Variants in SET observed in about 807,000 individuals in gnomAD.
SET encodes SET nuclear proto-oncogene.
A neutral mutation model predicts 39.0 loss-of-function variants in SET; 4 were observed. That is an observed-to-expected ratio of 0.10 (90% CI 0.05 to 0.23). The LOEUF is 0.23. Among genes scored for constraint, SET ranks in the 10% least tolerant of loss-of-function variants. The probability of loss-of-function intolerance (pLI) is 1.00; values close to 1 mark genes in which losing one functional copy is unlikely to be tolerated. For missense variants in SET, 137 were observed against 329.7 expected, an observed-to-expected ratio of 0.42 and a Z score of 4.53; for synonymous variants, 114 against 115.9, an observed-to-expected ratio of 0.98 and a Z score of 0.11.
intron 3 of SET, 114 bp downstream of exon 3, chr9:128,692,114 T>C: frequency 1.6e-6 from 2 of 1,276,304 alleles, no homozygotes; most frequent in Non-Finnish European, 2.2e-6. Context: ...ACAGGCTGGG[T>C]GCGGTGGCGC....
At chr9:128,685,241 G>T, upstream of SET, 3 of 1,565,878 alleles carry the variant, frequency 1.9e-6, no homozygotes, top group South Asian at 2.3e-5. Context: ...ACTTGTGCTT[G>T]TTTTCTCTTC....
intron 7 of SET, 46 bp from the exon 8 acceptor site, chr9:128,694,595 G>A: frequency 7.0e-7 from 1 of 1,433,774 alleles, no homozygotes; most frequent in South Asian, 1.2e-5. Context: ...ATGAAAGCAA[G>A]TCTCAGCATT....
At chr9:128,690,124 C>A in intron 1 of SET, 1 of 243,046 alleles carries the variant, frequency 4.1e-6, no homozygotes, top group Non-Finnish European at 6.6e-6. Flanking sequence ...AGAGGCTGGC[C>A]CCGGCGGGGC....
chr9:128,688,016 G>C (rs1861348023), upstream of SET, among the ~76,000 whole-genome samples: 1 of 152,198 alleles, frequency 6.6e-6, no homozygotes, highest in South Asian at 2.1e-4. Flanking sequence ...CAGTAGACCA[G>C]CCTGGCCAAG....
Position 128,689,441 on chromosome 9 carries a change from G to A in SET, c.-142G>A, listed in dbSNP as rs1589454206. 1.6e-6 allele frequency: 1 copy of A among 622,662 alleles called. No homozygotes were observed. The highest frequency in any genetic ancestry group is 4.6e-5 in the East Asian group (1 of 21,702). 38.6% of individuals were successfully genotyped at this position (622,662 alleles called of 1,614,324 possible). On this transcript the variant is annotated 5_prime_UTR_variant, in exon 1 of 8. Coordinates refer to ENST00000322030, the MANE Select transcript of SET (RefSeq NM_003011.4). ...GCGCGCGCGAGCGAGCGAGGGGGAG[G>A]GAGAGCGAGCGAGCGCCGGGAGGAG...
At chr9:128,683,688 A>T in exon 1 of SET, 1 of 498,398 alleles carries the variant, frequency 2.0e-6, no homozygotes, top group Non-Finnish European at 3.6e-6. Context: ...GAGCAACTAA[A>T]AGAAATTTCT....
upstream of SET, among the ~76,000 whole-genome samples, chr9:128,687,188 T>C (rs1246862368): frequency 6.6e-6 from 1 of 151,738 alleles, no homozygotes; most frequent in Non-Finnish European, 1.5e-5. Context: ...TGAAACCCCG[T>C]CTCTACTAAA....
At chr9:128,689,710 CGGCCCGCAGGCCGCCGGCGG>C in intron 1 of SET, 55 bp downstream of exon 1, 1 of 448,574 alleles carries the variant, frequency 2.2e-6, no homozygotes, top group South Asian at 9.0e-5. Context: ...CCGCCCGCCC[CGGCCCGCAGGCCGCCGGCGG>C]GGCCCGGGGC....
upstream of SET, among the ~76,000 whole-genome samples, chr9:128,688,466 T>C (rs1169883224): frequency 2.0e-5 from 3 of 152,176 alleles, no homozygotes; most frequent in Admixed American, 6.5e-5. Flanking sequence ...AACCGTGCCA[T>C]GCGCTGCTGA....
chr9:128,686,045 C>CAG (rs368310141), upstream of SET, among the ~76,000 whole-genome samples: 943 of 151,668 alleles, frequency 6.2e-3, 9 homozygotes, highest in African/African-American at 0.022. Flanking sequence ...AAAAAACAAC[C>CAG]AGAGGGGCCA....
In SET at chr9:128,689,530, C is replaced by T; in HGVS notation, c.-53C>T. On this transcript the variant is annotated 5_prime_UTR_variant, in exon 1 of 8. Coordinates refer to ENST00000322030, the MANE Select transcript of SET (RefSeq NM_003011.4). ...GGGGAAGCCGCTTGCCCGCCCCCTT[C>T]GCCTTCCCTTCTCTCCCCCTCCCCG... The T allele has an allele frequency of 1.1e-6, 1 of 925,526 alleles. No individual in the cohort carries two copies. The highest frequency in any genetic ancestry group is 1.5e-6 in the Non-Finnish European group (1 of 677,330). 57.3% of individuals were successfully genotyped at this position (925,526 alleles called of 1,614,324 possible). A position where few individuals can be genotyped will look rare whatever the true frequency, so the allele number is the denominator to read the frequency against.
At chr9:128,691,417 C>G (rs1861531638) in intron 2 of SET, among the ~76,000 whole-genome samples, 190 bp downstream of exon 2, 1 of 152,174 alleles carries the variant, frequency 6.6e-6, no homozygotes, top group Non-Finnish European at 1.5e-5. Flanking sequence ...AGTGCATTGA[C>G]CTTACAAGGT....
At chr9:128,684,004 G>A (rs1427776028) in exon 1 of SET, 1 of 1,548,366 alleles carries the variant, frequency 6.5e-7, no homozygotes, top group Non-Finnish European at 8.7e-7. Context: ...GCCGAAGAAG[G>A]GAGGTACGTT....
At chr9:128,694,551 C>T in intron 7 of SET, 90 bp from the exon 8 acceptor site, 1 of 813,056 alleles carries the variant, frequency 1.2e-6, no homozygotes, top group Non-Finnish European at 2.0e-6. Context: ...CTGGAGTGCC[C>T]CCAGGGGCAC....
At chr9:128,688,817 A>C (rs530713304), upstream of SET, among the ~76,000 whole-genome samples, 1 of 152,250 alleles carries the variant, frequency 6.6e-6, no homozygotes, top group East Asian at 1.9e-4. Flanking sequence ...AGGCGCCGAG[A>C]GGCCGGGCGG....
chr9:128,693,534 T>A lies in SET; in HGVS notation c.493-104T>A, dbSNP rs992058708. On this transcript the variant is annotated intron_variant, in intron 5 of 7. Coordinates refer to ENST00000322030, the MANE Select transcript of SET (RefSeq NM_003011.4). ...AATGGTAGCGTAGATAGTATACTGA[T>A]ATTTGTTTTGCTTAGCTTTTGGGGA... 1.6e-4 allele frequency: 187 copies of A among 1,193,946 alleles called. 1 individual carries two copies. Among genetic ancestry groups the A allele is most frequent in the Admixed American group, 2.8e-4 (10 of 35,488 alleles). 74.0% of individuals were successfully genotyped at this position (1,193,946 alleles called of 1,614,324 possible).
Position 128,693,624 on chromosome 9 carries a change from C to T in SET, c.493-14C>T, listed in dbSNP as rs4836618. The T allele has an allele frequency of 0.97, 1,545,288 of 1,595,946 alleles. 754,438 individuals are homozygous for T. Among genetic ancestry groups the T allele is most frequent in the Non-Finnish European group, 1 (1,168,029 of 1,171,602 alleles). Reference sequence around the variant, plus strand: ...GGAGAGATTGTATCAAAAGCTCTTCCGGTATTCATTTAGGATTTGACGAAA... The same window carrying T: ...GGAGAGATTGTATCAAAAGCTCTTCTGGTATTCATTTAGGATTTGACGAAA... On this transcript the variant is annotated splice_polypyrimidine_tract_variant and intron_variant, in intron 5 of 7. Coordinates refer to ENST00000322030, the MANE Select transcript of SET (RefSeq NM_003011.4).
chr9:128,692,133 T>C, intron 3 of SET, 133 bp downstream of exon 3: 1 of 1,081,202 alleles, frequency 9.2e-7, no homozygotes. Flanking sequence ...GCACCTGTAA[T>C]CCCAGCACTT....
chr9:128,695,389 G>A lies in SET; in HGVS notation c.*725G>A, dbSNP rs1861697376. 4.5e-6 allele frequency: 1 copy of A among 224,178 alleles called. No individual in the cohort carries two copies. Among genetic ancestry groups the A allele is most frequent in the African/African-American group, 2.2e-5 (1 of 44,840 alleles). The allele number at this position is 224,178 out of a possible 1,614,324, so 13.9% of individuals were successfully genotyped here. Reference sequence around the variant, plus strand: ...AGCAGAACCTGTAGGATCTTATTTGGAATTGACATTCTCTATTGTAATTTT... The same window carrying A: ...AGCAGAACCTGTAGGATCTTATTTGAAATTGACATTCTCTATTGTAATTTT... On this transcript the variant is annotated 3_prime_UTR_variant, in exon 8 of 8. Coordinates refer to ENST00000322030, the MANE Select transcript of SET (RefSeq NM_003011.4).
Sources: allele counts gnomAD v4.1 joint callset (sites outside exome capture counted in the v4.1 genomes callset), GRCh38; gene constraint gnomAD v4.1.1; transcripts MANE v1.5; gene names NCBI Gene and HGNC (gene_info 2026-07-23, HGNC 2026-07-21).